The following MOXD1 variants were observed in gnomAD, a reference collection of about 807,000 sequenced individuals.
MOXD1 encodes the protein monooxygenase DBH like 1, also known as DBH-like monooxygenase protein 1.
In MOXD1, 62 loss-of-function variants were observed where a neutral mutation model predicts 66.6. The ratio of observed to expected loss-of-function variants is 0.93; its 90% CI spans 0.76 to 1.15. MOXD1 has a LOEUF of 1.15. Ranked by LOEUF, MOXD1 falls within the 50% of genes most tolerant of loss-of-function variation. The pLI is 0.00. For synonymous variants in MOXD1, 303 were observed against 281.9 expected, an observed-to-expected ratio of 1.07 and a Z score of -0.75; for missense variants, 847 against 754.6, an observed-to-expected ratio of 1.12 and a Z score of -1.44.
At chr6:132,342,024 A>G (rs1417171971) in intron 4 of MOXD1, among the ~76,000 whole-genome samples, 2 of 151,570 alleles carry the variant, frequency 1.3e-5, no homozygotes, top group African/African-American at 2.4e-5. Flanking sequence ...TTTCTTTGAG[A>G]TGGAGTCTCG....
intron 4 of MOXD1, among the ~76,000 whole-genome samples, chr6:132,351,537 G>A (rs1160786017): frequency 1.3e-5 from 2 of 152,078 alleles, no homozygotes; most frequent in African/African-American, 4.8e-5. Context: ...GTTGGATTTG[G>A]CTAGCTAGCA....
At chr6:132,333,670 A>C (rs1047618277) in intron 4 of MOXD1, among the ~76,000 whole-genome samples, 1 of 152,214 alleles carries the variant, frequency 6.6e-6, no homozygotes, top group Non-Finnish European at 1.5e-5. Context: ...AGACACAAAC[A>C]TGGAAATTCC....
At chr6:132,359,135 T>TTTTC (rs1554235305) in intron 4 of MOXD1, among the ~76,000 whole-genome samples, 1 of 150,996 alleles carries the variant, frequency 6.6e-6, no homozygotes, top group Non-Finnish European at 1.5e-5. Flanking sequence ...TTTTTTTTTT[T>TTTTC]CTGAGGCAGG....
chr6:132,329,646 T>A (rs1775274959), intron 4 of MOXD1, among the ~76,000 whole-genome samples: 1 of 152,058 alleles, frequency 6.6e-6, no homozygotes, highest in Non-Finnish European at 1.5e-5. Flanking sequence ...GGTGATTTTA[T>A]CATCAATGAA....
intron 4 of MOXD1, among the ~76,000 whole-genome samples, chr6:132,362,916 A>C (rs10499185): frequency 0.24 from 35,891 of 151,912 alleles, 4,756 homozygotes; most frequent in African/African-American, 0.36. Context: ...CTTACTTTAA[A>C]GACTTCCTAA....
Position 132,296,974 on chromosome 6 carries a change from A to T in MOXD1, c.*179T>A. On this transcript the variant is annotated 3_prime_UTR_variant, in exon 12 of 12. Transcript: ENST00000367963. ...TATATAACATCAGATATTTCTAAGA[A>T]AGAGAAGAGAACCTGATTGATGTCT... 1.9e-6 allele frequency: 1 copy of T among 536,646 alleles called. No homozygotes were observed. The highest frequency in any genetic ancestry group is 3.2e-6 in the Non-Finnish European group (1 of 309,002). The allele number at this position is 536,646 out of a possible 1,614,324, so 33.2% of individuals were successfully genotyped here.
intron 4 of MOXD1, among the ~76,000 whole-genome samples, chr6:132,372,304 A>G (rs1389883683): frequency 1.3e-5 from 2 of 152,190 alleles, no homozygotes; most frequent in African/African-American, 2.4e-5. Flanking sequence ...ACTATTTTAA[A>G]TTGCAATTCC....
intron 10 of MOXD1, among the ~76,000 whole-genome samples, chr6:132,301,108 T>C (rs1490249141): frequency 3.3e-5 from 5 of 152,090 alleles, no homozygotes; most frequent in African/African-American, 1.2e-4. Flanking sequence ...TTGGAAATAA[T>C]TGGGAATGTT....
chr6:132,323,893 A>T, intron 7 of MOXD1, 38 bp downstream of exon 7: 1 of 1,528,514 alleles, frequency 6.5e-7, no homozygotes, highest in Admixed American at 2.3e-5. Context: ...AGCATTGATG[A>T]ATCTGCAGAG....
intron 1 of MOXD1, among the ~76,000 whole-genome samples, chr6:132,380,023 ATCACAGG>A (rs1347493754): frequency 1.5e-4 from 23 of 152,296 alleles, no homozygotes; most frequent in Non-Finnish European, 2.9e-5. Context: ...CAGTTCTGGG[ATCACAGG>A]TGTAAGCCAC....
At chr6:132,359,828 A>G (rs1186285919) in intron 4 of MOXD1, among the ~76,000 whole-genome samples, 1 of 152,198 alleles carries the variant, frequency 6.6e-6, no homozygotes, top group African/African-American at 2.4e-5. Flanking sequence ...GCCACACAGG[A>G]GTAATACTCA....
At chr6:132,399,636 G>A (rs769501912) in intron 1 of MOXD1, among the ~76,000 whole-genome samples, 10 of 152,092 alleles carry the variant, frequency 6.6e-5, no homozygotes, top group Admixed American at 1.3e-4. Context: ...TACTCTTTGA[G>A]GGAAAATAAT....
chr6:132,345,346 A>C (rs986568110), intron 4 of MOXD1, among the ~76,000 whole-genome samples: 2 of 151,962 alleles, frequency 1.3e-5, no homozygotes, highest in African/African-American at 4.8e-5. Flanking sequence ...CTTTTTTGTG[A>C]TGATTTTGTC....
chr6:132,362,624 G>A (rs1042412435), intron 4 of MOXD1, among the ~76,000 whole-genome samples: 5 of 152,138 alleles, frequency 3.3e-5, no homozygotes, highest in Non-Finnish European at 7.4e-5. Context: ...TTCTTCTCAT[G>A]AGTAGCTTTT....
At chr6:132,326,123 G>A (rs1230814204) in intron 6 of MOXD1, among the ~76,000 whole-genome samples, 1 of 152,148 alleles carries the variant, frequency 6.6e-6, no homozygotes, top group Admixed American at 6.5e-5. Flanking sequence ...TAGCTGTTTG[G>A]AGCATTAATA....
chr6:132,378,178 T>C (rs1284804613), intron 1 of MOXD1, among the ~76,000 whole-genome samples: 2 of 152,136 alleles, frequency 1.3e-5, no homozygotes, highest in East Asian at 3.8e-4. Context: ...TGAGGTCCTA[T>C]TTTGGAGGCA....
At chr6:132,358,782 G>T (rs770648208) in intron 4 of MOXD1, among the ~76,000 whole-genome samples, 3 of 152,154 alleles carry the variant, frequency 2.0e-5, no homozygotes, top group Non-Finnish European at 4.4e-5. Flanking sequence ...GACTATGGAA[G>T]ATTGTGATGA....
intron 4 of MOXD1, among the ~76,000 whole-genome samples, chr6:132,344,434 T>C (rs951096017): frequency 1.3e-5 from 2 of 152,172 alleles, no homozygotes; most frequent in Non-Finnish European, 2.9e-5. Context: ...TTGACTCTGA[T>C]AGCGGCAGGA....
At chr6:132,335,279 A>T (rs1440806016) in intron 4 of MOXD1, among the ~76,000 whole-genome samples, 4 of 145,992 alleles carry the variant, frequency 2.7e-5, no homozygotes, top group Non-Finnish European at 6.1e-5. Context: ...AAAGAAACAT[A>T]TTTTTTTTTT....
Sources: gnomAD v4.1 joint callset for allele counts (sites outside exome capture counted in the v4.1 genomes callset) on GRCh38, gnomAD v4.1.1 for gene constraint, MANE v1.5 for transcripts, NCBI Gene and HGNC (gene_info 2026-07-23, HGNC 2026-07-21) for gene names.